The following FAM107B variants were observed in gnomAD, a reference collection of about 807,000 sequenced individuals.
The protein encoded by FAM107B is protein FAM107B.
A neutral mutation model predicts 31.5 loss-of-function variants in FAM107B; 21 were observed. That is an observed-to-expected ratio of 0.67 (90% CI 0.47 to 0.96). FAM107B has a LOEUF of 0.96. Among genes scored for constraint, FAM107B ranks in the 40% least tolerant of loss-of-function variants. FAM107B has a pLI of 0.00. For synonymous variants in FAM107B, 157 were observed against 141.5 expected, an observed-to-expected ratio of 1.11 and a Z score of -0.78; for missense variants, 452 against 377.1, an observed-to-expected ratio of 1.20 and a Z score of -1.64.
intron 1 of FAM107B, among the ~76,000 whole-genome samples, chr10:14,716,788 C>T (rs1359951688): frequency 3.3e-5 from 5 of 152,114 alleles, no homozygotes; most frequent in African/African-American, 9.7e-5. Flanking sequence ...TGTTGAGAGT[C>T]AACTATTTTA....
chr10:14,594,412 G>A (rs539267784), intron 2 of FAM107B, among the ~76,000 whole-genome samples: 1 of 145,232 alleles, frequency 6.9e-6, no homozygotes, highest in Admixed American at 7.4e-5. Flanking sequence ...GCTGAGGTGG[G>A]AAGATCCCTT....
At chr10:14,582,984 G>A (rs1851695697) in intron 2 of FAM107B, among the ~76,000 whole-genome samples, 1 of 151,742 alleles carries the variant, frequency 6.6e-6, no homozygotes, top group Non-Finnish European at 1.5e-5. Flanking sequence ...TACTTGGGAG[G>A]CTAAGGCAGG....
intron 1 of FAM107B, among the ~76,000 whole-genome samples, chr10:14,707,701 T>C (rs1177521867): frequency 6.6e-6 from 1 of 152,244 alleles, no homozygotes; most frequent in Non-Finnish European, 1.5e-5. Flanking sequence ...CCCAAGTATG[T>C]ATTCTTGTTT....
rs759041136 is a variant in FAM107B, at chr10:14,774,456, C to A, written c.208G>T (p.Glu70Ter). ...TCTTGCCTTTTCTCTGGAGCTCCTTCTGCGCTTGGGTGTCTTGGCTGTCTG... is the reference window on the plus strand; with the variant it reads ...TCTTGCCTTTTCTCTGGAGCTCCTTATGCGCTTGGGTGTCTTGGCTGTCTG... ...AGRQPRHPSA[E>*]GAPEKRQDSS... The change falls in exon 1 of 5, where the codon GAA becomes TAA. Residue 70 changes from glutamate to a stop codon, truncating the protein, a stop_gained. Transcript: ENST00000181796. LOFTEE classifies it high-confidence loss of function. The A allele has an allele frequency of 1.2e-6, 2 of 1,614,192 alleles. No individual in the cohort carries two copies. Among genetic ancestry groups the A allele is most frequent in the South Asian group, 2.2e-5 (2 of 91,088 alleles).
intron 2 of FAM107B, among the ~76,000 whole-genome samples, chr10:14,618,009 C>A (rs1392817980): frequency 2.0e-5 from 3 of 152,142 alleles, no homozygotes; most frequent in Non-Finnish European, 4.4e-5. Flanking sequence ...AGTTGTGTAA[C>A]CACCTCCACA....
chr10:14,659,835 TG>T (rs1854183711), intron 2 of FAM107B, among the ~76,000 whole-genome samples: 1 of 152,244 alleles, frequency 6.6e-6, no homozygotes, highest in South Asian at 2.1e-4. Context: ...GCTGGCCTTA[TG>T]TGCGCAGCAA....
intron 1 of FAM107B, among the ~76,000 whole-genome samples, chr10:14,681,708 A>G (rs1854840235): frequency 6.6e-6 from 1 of 152,152 alleles, no homozygotes; most frequent in Non-Finnish European, 1.5e-5. Flanking sequence ...ACCTCATGGA[A>G]TGGGGAAGTC....
At chr10:14,765,405 A>G (rs1381795817) in intron 1 of FAM107B, among the ~76,000 whole-genome samples, 1 of 152,210 alleles carries the variant, frequency 6.6e-6, no homozygotes, top group Non-Finnish European at 1.5e-5. Context: ...TTGCATTCTA[A>G]GAGAAGCCAA....
intron 2 of FAM107B, among the ~76,000 whole-genome samples, chr10:14,667,237 C>A (rs938458744): frequency 1.3e-5 from 2 of 152,152 alleles, no homozygotes; most frequent in African/African-American, 4.8e-5. Context: ...CTTGACCATA[C>A]ACAAACATAA....
At chr10:14,657,100 AG>A (rs1854080073) in intron 2 of FAM107B, among the ~76,000 whole-genome samples, 2 of 152,250 alleles carry the variant, frequency 1.3e-5, no homozygotes, top group South Asian at 4.1e-4. Flanking sequence ...TTGAATACAG[AG>A]GACTAAATCA....
At chr10:14,583,897 A>T (rs1851739013) in intron 2 of FAM107B, among the ~76,000 whole-genome samples, 1 of 151,120 alleles carries the variant, frequency 6.6e-6, no homozygotes, top group African/African-American at 2.4e-5. Context: ...ACAAAACGAC[A>T]CTCTCCCCGA....
chr10:14,735,786 C>T (rs891257704), intron 1 of FAM107B, among the ~76,000 whole-genome samples: 2 of 152,074 alleles, frequency 1.3e-5, no homozygotes, highest in East Asian at 1.9e-4. Flanking sequence ...TGCGATTGTC[C>T]AGCTTTACTG....
chr10:14,742,753 C>T (rs1832643767), intron 1 of FAM107B, among the ~76,000 whole-genome samples: 1 of 152,058 alleles, frequency 6.6e-6, no homozygotes, highest in South Asian at 2.1e-4. Flanking sequence ...TCAATATCTC[C>T]CCTTAGCTCC....
At chr10:14,742,411 C>G (rs1832635828) in intron 1 of FAM107B, among the ~76,000 whole-genome samples, 2 of 152,070 alleles carry the variant, frequency 1.3e-5, no homozygotes, top group South Asian at 4.1e-4. Flanking sequence ...AGCCACCACA[C>G]CTGGCTCAGT....
In FAM107B at chr10:14,731,548, C is replaced by T. The variant is rs544336802; in HGVS notation, c.411+42705G>A. Among the ~76,000 whole-genome samples the T allele has an allele frequency of 2.6e-4, 39 of 152,074 alleles. 1 individual carries two copies. The South Asian group carries it at 7.7e-3, about 30-fold the overall frequency. ...CTGCACTCCAGCCTGGGTGACAGAG[C>T]GAGACTCCATCTCAAAAAATAAATC... On this transcript the variant is annotated intron_variant, in intron 1 of 4. Coordinates refer to ENST00000181796, the MANE Select transcript of FAM107B (RefSeq NM_031453.4).
At chr10:14,598,219 T>C (rs903268483) in intron 2 of FAM107B, among the ~76,000 whole-genome samples, 4 of 152,326 alleles carry the variant, frequency 2.6e-5, no homozygotes, top group Middle Eastern at 3.4e-3. Context: ...ACTGTGCTTT[T>C]AGCGTGGCAG....
chr10:14,604,312 C>G, intron 2 of FAM107B: 2 of 969,694 alleles, frequency 2.1e-6, no homozygotes, highest in Non-Finnish European at 2.4e-6. Context: ...CCCAGCGGCC[C>G]GACTGCTCGG....
At chr10:14,649,213 A>C (rs1853838736) in intron 2 of FAM107B, among the ~76,000 whole-genome samples, 1 of 152,180 alleles carries the variant, frequency 6.6e-6, no homozygotes, top group African/African-American at 2.4e-5. Flanking sequence ...GACAAAACAG[A>C]CTCTGCGTAG....
At chr10:14,596,259 C>CA (rs1431192197) in intron 2 of FAM107B, among the ~76,000 whole-genome samples, 5 of 152,216 alleles carry the variant, frequency 3.3e-5, no homozygotes, top group African/African-American at 9.7e-5. Context: ...CACCAGACTC[C>CA]AGCCCCCTGA....
Sources: allele counts gnomAD v4.1 joint callset (sites outside exome capture counted in the v4.1 genomes callset), GRCh38; gene constraint gnomAD v4.1.1; transcripts MANE v1.5; gene names NCBI Gene and HGNC (gene_info 2026-07-23, HGNC 2026-07-21).